DMXL1: variants seen among roughly 807,000 people sequenced by gnomAD.
DMXL1 encodes the protein dmX-like protein 1.
Under a neutral mutation model 319.2 loss-of-function variants are expected in DMXL1, and 99 were observed. The ratio of observed to expected loss-of-function variants is 0.31; its 90% CI spans 0.26 to 0.37. The LOEUF (loss-of-function observed/expected upper bound fraction) is 0.37. Among genes scored for constraint, DMXL1 ranks in the 10% least tolerant of loss-of-function variants. DMXL1 has a pLI of 1.00. For missense variants in DMXL1, 3,745 were observed against 3,595.6 expected (o/e 1.04, Z -1.06); for synonymous variants, 1,385 against 1,235.2 (o/e 1.12, Z -2.54).
At chr5:119,092,916 T>G (rs1269888927) in intron 1 of DMXL1, among the ~76,000 whole-genome samples, 1 of 152,264 alleles carries the variant, frequency 6.6e-6, no homozygotes, top group Non-Finnish European at 1.5e-5. Context: ...ACATTTGAGT[T>G]GTTTCCCTTT....
At chr5:119,131,294 G>A (rs1308359415) in intron 10 of DMXL1, among the ~76,000 whole-genome samples, 1 of 151,898 alleles carries the variant, frequency 6.6e-6, no homozygotes, top group Non-Finnish European at 1.5e-5. Context: ...TGAGGGGACT[G>A]GGATTTTTGA....
chr5:119,091,071 T>C (rs1047561181), intron 1 of DMXL1, among the ~76,000 whole-genome samples: 1 of 152,192 alleles, frequency 6.6e-6, no homozygotes, highest in African/African-American at 2.4e-5. Flanking sequence ...TTTTGTCTTA[T>C]CTTAGAGATG....
intron 34 of DMXL1, among the ~76,000 whole-genome samples, chr5:119,213,114 A>G (rs1454271363): frequency 6.6e-6 from 1 of 152,222 alleles, no homozygotes; most frequent in Non-Finnish European, 1.5e-5. Flanking sequence ...CCCTGCAGTC[A>G]TAATAAATTG....
chr5:119,098,786 G>C (rs936020777), intron 2 of DMXL1, among the ~76,000 whole-genome samples: 11 of 152,248 alleles, frequency 7.2e-5, no homozygotes, highest in African/African-American at 2.7e-4. Context: ...TATAGGCATA[G>C]GTGGTAAGGC....
At chr5:119,099,844 A>T (rs1014674491) in intron 2 of DMXL1, among the ~76,000 whole-genome samples, 1 of 152,060 alleles carries the variant, frequency 6.6e-6, no homozygotes, top group Non-Finnish European at 1.5e-5. Flanking sequence ...AATAAAAATA[A>T]TAAGTAAATA....
chr5:119,187,696 T>C (rs929212298), intron 28 of DMXL1, among the ~76,000 whole-genome samples: 2 of 152,200 alleles, frequency 1.3e-5, no homozygotes, highest in African/African-American at 4.8e-5. Context: ...GAAGTCTTGC[T>C]CTGTTGCCCA....
chr5:119,195,391 G>A (rs183534462), intron 30 of DMXL1, among the ~76,000 whole-genome samples: 11 of 152,270 alleles, frequency 7.2e-5, no homozygotes, highest in Middle Eastern at 3.4e-3. Context: ...TGCTATGTAC[G>A]TTCAACGGAG....
chr5:119,244,961 C>G (rs1789479728), intron 43 of DMXL1, among the ~76,000 whole-genome samples: 1 of 152,172 alleles, frequency 6.6e-6, no homozygotes, highest in African/African-American at 2.4e-5. Flanking sequence ...ATATTATTAT[C>G]TAGTCCCTCA....
At chr5:119,087,510 A>G (rs1580615354) in intron 1 of DMXL1, among the ~76,000 whole-genome samples, 1 of 152,212 alleles carries the variant, frequency 6.6e-6, no homozygotes, top group East Asian at 1.9e-4. Flanking sequence ...CATTGTAGTG[A>G]GAAAAGGTAC....
intron 10 of DMXL1, among the ~76,000 whole-genome samples, chr5:119,131,070 T>A (rs554716958): frequency 1.3e-4 from 20 of 152,048 alleles, no homozygotes; most frequent in African/African-American, 4.6e-4. Context: ...ATTTTCTTGA[T>A]GCAAATTAAG....
intron 9 of DMXL1, 61 bp downstream of exon 9, chr5:119,121,200 A>G (rs1219946385): frequency 5.2e-6 from 7 of 1,343,006 alleles, no homozygotes; most frequent in East Asian, 5.1e-5. Flanking sequence ...TATAACAACT[A>G]AGTTATACTT....
At chr5:119,175,101 A>G (rs947379744) in intron 25 of DMXL1, among the ~76,000 whole-genome samples, 160 bp from the exon 26 acceptor site, 1 of 152,226 alleles carries the variant, frequency 6.6e-6, no homozygotes, top group African/African-American at 2.4e-5. Context: ...AGACTCATGT[A>G]GATAAAAATG....
chr5:119,106,430 A>G (rs966655409), intron 4 of DMXL1, among the ~76,000 whole-genome samples: 2 of 152,158 alleles, frequency 1.3e-5, no homozygotes, highest in Non-Finnish European at 2.9e-5. Flanking sequence ...CATTTTTACC[A>G]TTCTACGAAA....
chr5:119,211,503 TATC>T (rs1463375569), intron 34 of DMXL1, among the ~76,000 whole-genome samples: 19 of 152,188 alleles, frequency 1.2e-4, no homozygotes, highest in Admixed American at 1.2e-3. Context: ...GGCATAAAGT[TATC>T]ATGTTGCCCT....
intron 7 of DMXL1, among the ~76,000 whole-genome samples, chr5:119,118,401 ACTG>A (rs1303108771): frequency 2.8e-4 from 42 of 152,204 alleles, no homozygotes; most frequent in African/African-American, 7.5e-4. Context: ...TTATGTGTCA[ACTG>A]AGAGATTGTG....
chr5:119,203,694 C>T (rs1343732761), intron 33 of DMXL1, among the ~76,000 whole-genome samples: 1 of 152,092 alleles, frequency 6.6e-6, no homozygotes, highest in African/African-American at 2.4e-5. Context: ...TTGTCATGAT[C>T]ATCAATTTAA....
chr5:119,186,142 C>T (rs1471854270), intron 28 of DMXL1, among the ~76,000 whole-genome samples: 4 of 152,178 alleles, frequency 2.6e-5, no homozygotes, highest in Non-Finnish European at 5.9e-5. Flanking sequence ...GTTAGAAGGT[C>T]CAGACTAATG....
chr5:119,220,033 T>C (rs1784389495), intron 35 of DMXL1, among the ~76,000 whole-genome samples: 1 of 151,758 alleles, frequency 6.6e-6, no homozygotes, highest in Admixed American at 6.6e-5. Flanking sequence ...TTGCCTAAGA[T>C]TGAAAAGCTT....
intron 31 of DMXL1, 59 bp downstream of exon 31, chr5:119,196,515 G>GTTTTTTTT (rs537016412): frequency 2.3e-5 from 13 of 560,660 alleles, no homozygotes; most frequent in East Asian, 3.5e-5. Context: ...CTACTCTGTT[G>GTTTTTTTT]TTTTTTTTTT....
Sources: gnomAD v4.1 joint callset for allele counts (sites outside exome capture counted in the v4.1 genomes callset) on GRCh38, gnomAD v4.1.1 for gene constraint, MANE v1.5 for transcripts, NCBI Gene and HGNC (gene_info 2026-07-23, HGNC 2026-07-21) for gene names.